IPCEF1: variants seen among roughly 807,000 people sequenced by gnomAD.
IPCEF1 encodes interaction protein for cytohesin exchange factors 1.
IPCEF1 carries 31 observed loss-of-function variants against 50.9 expected under a neutral mutation model. The ratio of observed to expected loss-of-function variants is 0.61; its 90% CI spans 0.46 to 0.82. The LOEUF is 0.82. Among genes scored for constraint, IPCEF1 ranks in the 40% least tolerant of loss-of-function variants. IPCEF1 has a pLI of 0.00. For missense variants in IPCEF1, 458 were observed against 514.0 expected (o/e 0.89, Z 1.05); for synonymous variants, 181 against 192.0 (o/e 0.94, Z 0.47).
rs145384527 is a variant in IPCEF1, at chr6:154,202,487, G to A, written c.538-2447C>T. On this transcript the variant is annotated intron_variant, in intron 9 of 11. Coordinates refer to ENST00000367220, the MANE Select transcript of IPCEF1 (RefSeq NM_001130700.2). ...ATCCATTCTGGACCAGTCCTGACAC[G>A]TTCCCCTATTGTGAGCTATTTTAGT... Among the ~76,000 whole-genome samples, 842 of 152,268 alleles carry A rather than the reference G, an allele frequency of 5.5e-3. 5 individuals carry two copies. Among genetic ancestry groups the A allele is most frequent in the African/African-American group, 0.019 (798 of 41,548 alleles).
At chr6:154,339,352 A>G (rs1161415592) in intron 1 of IPCEF1, among the ~76,000 whole-genome samples, 2 of 152,140 alleles carry the variant, frequency 1.3e-5, no homozygotes. Context: ...CTGTCCATGA[A>G]TTCTCAAAAT....
intron 3 of IPCEF1, among the ~76,000 whole-genome samples, chr6:154,254,051 G>A (rs1046857534): frequency 6.6e-6 from 1 of 151,776 alleles, no homozygotes; most frequent in Non-Finnish European, 1.5e-5. Flanking sequence ...CATTTCTTTA[G>A]AATAAGACAT....
At chr6:154,214,492 G>A (rs1472673747) in intron 7 of IPCEF1, among the ~76,000 whole-genome samples, 1 of 152,142 alleles carries the variant, frequency 6.6e-6, no homozygotes, top group Non-Finnish European at 1.5e-5. Context: ...ATGTGAGGTG[G>A]CCCATTACTC....
At chr6:154,262,606 T>C (rs191615001) in intron 3 of IPCEF1, among the ~76,000 whole-genome samples, 1 of 152,284 alleles carries the variant, frequency 6.6e-6, no homozygotes, top group African/African-American at 2.4e-5. Context: ...CTTAAACATA[T>C]AAGATGAACT....
At chr6:154,301,433 T>G (rs1472081769) in intron 1 of IPCEF1, among the ~76,000 whole-genome samples, 1 of 152,326 alleles carries the variant, frequency 6.6e-6, no homozygotes, top group East Asian at 1.9e-4. Flanking sequence ...TAGCATGGTG[T>G]TTTGTTAAAT....
rs750941163 is a variant in IPCEF1, at chr6:154,214,290, A to G, written c.393-14T>C. 1 of 1,597,590 alleles carries G rather than the reference A, an allele frequency of 6.3e-7. No individual in the cohort carries two copies. The highest frequency in any genetic ancestry group is 1.1e-5 in the South Asian group (1 of 90,740). ...TTATTTAACCACCTAAAATTCAAAT[A>G]GAAAGCAAATGTTGACCAAAGAGAT... On this transcript the variant is annotated splice_polypyrimidine_tract_variant and intron_variant, in intron 7 of 11. Coordinates refer to ENST00000367220, the MANE Select transcript of IPCEF1 (RefSeq NM_001130700.2).
At chr6:154,234,460 G>C (rs1460676508) in intron 5 of IPCEF1, among the ~76,000 whole-genome samples, 1 of 152,168 alleles carries the variant, frequency 6.6e-6, no homozygotes, top group Non-Finnish European at 1.5e-5. Context: ...TCAAGAATCT[G>C]CTTCTGGGAA....
At chr6:154,322,373 A>AACACACACAC (rs3039689) in intron 1 of IPCEF1, among the ~76,000 whole-genome samples, 3,377 of 123,792 alleles carry the variant, frequency 0.027, 122 homozygotes, top group African/African-American at 0.085. Flanking sequence ...AAAAATTTTA[A>AACACACACAC]ACACACACAC....
chr6:154,272,765 A>T lies in IPCEF1; in HGVS notation c.-17-6801T>A, dbSNP rs576922531. Among the ~76,000 whole-genome samples the T allele has an allele frequency of 2.6e-5, 4 of 152,348 alleles. No individual in the cohort carries two copies. The South Asian group carries it at 8.3e-4, about 32-fold the overall frequency. The stretch of plus-strand genomic sequence containing the variant: ...TGTTTAGAAAGTTATTTAAGATAGA[A>T]ATATGGACTCTCATCCTATACTATT... On this transcript the variant is annotated intron_variant, in intron 2 of 11. Transcript: ENST00000367220.
intron 3 of IPCEF1, 77 bp from the exon 4 acceptor site, chr6:154,247,565 A>C: frequency 7.9e-7 from 1 of 1,260,538 alleles, no homozygotes; most frequent in African/African-American, 1.5e-5. Context: ...AGGAGGGAGG[A>C]GGTGGCAGTG....
chr6:154,222,578 C>T (rs1778949667), intron 6 of IPCEF1, among the ~76,000 whole-genome samples: 2 of 152,268 alleles, frequency 1.3e-5, no homozygotes, highest in East Asian at 1.9e-4. Flanking sequence ...ACAGCCAGCC[C>T]GCTCATGAGA....
intron 1 of IPCEF1, among the ~76,000 whole-genome samples, chr6:154,297,626 A>G (rs1341156930): frequency 6.6e-6 from 1 of 152,248 alleles, no homozygotes; most frequent in African/African-American, 2.4e-5. Context: ...AAAAGTTAAT[A>G]GAGGAAAACA....
At chr6:154,192,525 C>T (rs1801994614) in intron 10 of IPCEF1, among the ~76,000 whole-genome samples, 1 of 151,984 alleles carries the variant, frequency 6.6e-6, no homozygotes, top group African/African-American at 2.4e-5. Context: ...CTTAATTAAA[C>T]CAAAAAGCTT....
chr6:154,196,195 G>A lies in IPCEF1; in HGVS notation c.910+3473C>T, dbSNP rs74490926. On this transcript the variant is annotated intron_variant, in intron 10 of 11. Transcript: ENST00000367220. ...ACAATATAATAATGCAAAATTGAAT[G>A]GAGTCCAGTTTTGGACTTATTTTTT... 6.3e-3 allele frequency among the ~76,000 whole-genome samples: 954 copies of A among 152,264 alleles called. 10 individuals carry two copies. Among genetic ancestry groups the A allele is most frequent in the African/African-American group, 0.018 (766 of 41,536 alleles).
At chr6:154,175,246 C>T (rs1800215320) in intron 10 of IPCEF1, among the ~76,000 whole-genome samples, 1 of 152,116 alleles carries the variant, frequency 6.6e-6, no homozygotes, top group Non-Finnish European at 1.5e-5. Context: ...GACACCCTAA[C>T]ATCACAATTA....
At position 154,199,834 on chromosome 6, in the gene IPCEF1, A is replaced by C. The variant is rs201458122; in HGVS notation, c.744T>G (p.Pro248=). ...PITFAVQVHS[P]VPSEAGIHKA... ...TGTGGATGCCTGCCTCTGAGGGTAC[A>C]GGTGAATGAACTTGCACAGCAAACG... Residue 248 remains proline (P), a synonymous_variant, in exon 10 of 12, where the codon CCT becomes CCG. Transcript: ENST00000367220. 147 of 1,614,104 alleles carry C rather than the reference A, an allele frequency of 9.1e-5. No individual in the cohort carries two copies. In the Middle Eastern group the frequency reaches 1.2e-3, roughly 13 times the overall value.
At chr6:154,210,212 G>A (rs558035351) in intron 9 of IPCEF1, among the ~76,000 whole-genome samples, 20 of 152,190 alleles carry the variant, frequency 1.3e-4, no homozygotes, top group Non-Finnish European at 2.6e-4. Flanking sequence ...GTGTGTTCTA[G>A]ATGCCTGACA....
chr6:154,247,839 G>C (rs1665362073), intron 3 of IPCEF1, among the ~76,000 whole-genome samples: 1 of 152,198 alleles, frequency 6.6e-6, no homozygotes, highest in African/African-American at 2.4e-5. Flanking sequence ...TTTTGTGAGA[G>C]AAGGAAAAAT....
chr6:154,192,239 A>G (rs1031287657), intron 10 of IPCEF1, among the ~76,000 whole-genome samples: 26 of 151,144 alleles, frequency 1.7e-4, no homozygotes, highest in Non-Finnish European at 8.8e-5. Context: ...ATGGGTGAGC[A>G]CTCTCAATAC....
Sources: gnomAD v4.1 joint callset for allele counts (sites outside exome capture counted in the v4.1 genomes callset) on GRCh38, gnomAD v4.1.1 for gene constraint, MANE v1.5 for transcripts, NCBI Gene and HGNC (gene_info 2026-07-23, HGNC 2026-07-21) for gene names.